The following CAST variants were observed in gnomAD, a reference collection of about 807,000 sequenced individuals.
The protein encoded by CAST is MIR583 host.
CAST carries 76 observed loss-of-function variants against 119.6 expected under a neutral mutation model. The observed-to-expected ratio is 0.64, with a 90% CI of 0.53 to 0.77. The LOEUF is 0.77. CAST is among the 30% of genes least tolerant of loss of function. CAST has a pLI of 0.00. For missense variants in CAST, 953 were observed against 946.5 expected, an observed-to-expected ratio of 1.01 and a Z score of -0.09; for synonymous variants, 319 against 331.6, an observed-to-expected ratio of 0.96 and a Z score of 0.41.
chr5:96,610,235 G>C (rs535462946), intron 1 of CAST, among the ~76,000 whole-genome samples: 1 of 152,306 alleles, frequency 6.6e-6, no homozygotes, highest in African/African-American at 2.4e-5. Flanking sequence ...GGCCTCCACA[G>C]ACTGCTGAAC....
the CAST span, among the ~76,000 whole-genome samples, chr5:96,159,933 G>C: frequency 0.73 from 109,830 of 150,466 alleles, 40,256 homozygotes; most frequent in South Asian, 0.83. Flanking sequence ...CAGTTCGAGA[G>C]CAGCCTAGCC....
chr5:96,275,757 G>A, the CAST span, among the ~76,000 whole-genome samples: 2 of 152,204 alleles, frequency 1.3e-5, no homozygotes, highest in East Asian at 3.8e-4. Context: ...ATCTAAAATA[G>A]TTTGGTCCAG....
chr5:96,190,083 C>G, the CAST span, among the ~76,000 whole-genome samples: 1 of 152,118 alleles, frequency 6.6e-6, no homozygotes, highest in East Asian at 1.9e-4. Context: ...GTTTCTTTCT[C>G]CAGCTTGCTC....
At chr5:96,115,244 C>T in the CAST span, among the ~76,000 whole-genome samples, 3,952 of 152,320 alleles carry the variant, frequency 0.026, 45 homozygotes, top group Middle Eastern at 0.095. Flanking sequence ...ACATTTCTCT[C>T]TGTGTCCCTT....
At chr5:96,502,751 T>G in the CAST span, among the ~76,000 whole-genome samples, 1 of 152,096 alleles carries the variant, frequency 6.6e-6, no homozygotes, top group South Asian at 2.1e-4. Flanking sequence ...ATCTACTACA[T>G]GTATTACTTA....
the CAST span, among the ~76,000 whole-genome samples, chr5:96,394,254 C>T: frequency 9.2e-3 from 1,395 of 152,302 alleles, 15 homozygotes; most frequent in African/African-American, 0.032. Flanking sequence ...GGGCTTTTCT[C>T]ACCATCTGAT....
chr5:96,662,907 G>C lies in CAST; in HGVS notation c.75+410G>C, dbSNP rs930338720. 2.8e-5 allele frequency: 16 copies of C among 580,734 alleles called. No individual in the cohort carries two copies. The African/African-American group carries it at 3.2e-4, about 11-fold the overall frequency. The allele number at this position is 580,734 out of a possible 1,614,324, so 36.0% of individuals were successfully genotyped here. On this transcript the variant is annotated intron_variant, in intron 1 of 31. Transcript: ENST00000675179. ...GGGCGTGGCTGCCTGGAGACGCAGAGCCTCTTCCCTAACCAGCCTCGAGCC... is the reference window on the plus strand; with the variant it reads ...GGGCGTGGCTGCCTGGAGACGCAGACCCTCTTCCCTAACCAGCCTCGAGCC...
chr5:96,215,947 A>G, the CAST span, among the ~76,000 whole-genome samples: 1 of 152,060 alleles, frequency 6.6e-6, no homozygotes, highest in Admixed American at 6.6e-5. Context: ...AGCTGGGACT[A>G]CAGGCACACG....
chr5:96,476,701 A>T, the CAST span, among the ~76,000 whole-genome samples: 4 of 152,142 alleles, frequency 2.6e-5, no homozygotes, highest in Non-Finnish European at 5.9e-5. Context: ...ATCCCTTAAG[A>T]CAGTCCTCAT....
chr5:96,513,886 G>C, the CAST span, among the ~76,000 whole-genome samples: 114 of 152,284 alleles, frequency 7.5e-4, no homozygotes, highest in Admixed American at 2.5e-3. Flanking sequence ...CTTTCTCTAG[G>C]ACTGTGGATA....
the CAST span, among the ~76,000 whole-genome samples, chr5:96,485,538 C>T: frequency 6.6e-6 from 1 of 151,898 alleles, no homozygotes; most frequent in Non-Finnish European, 1.5e-5. Flanking sequence ...GCAGTGGGTA[C>T]CAAAAGTGGA....
At chr5:96,493,258 C>T in the CAST span, among the ~76,000 whole-genome samples, 1 of 152,106 alleles carries the variant, frequency 6.6e-6, no homozygotes, top group African/African-American at 2.4e-5. Flanking sequence ...CGTTTCATAA[C>T]ATTTTTTATG....
At chr5:96,054,112 A>T in the CAST span, among the ~76,000 whole-genome samples, 2 of 151,840 alleles carry the variant, frequency 1.3e-5, no homozygotes, top group Non-Finnish European at 2.9e-5. Flanking sequence ...ATTCCAAAGC[A>T]CTTATTATTG....
chr5:96,200,574 G>T, the CAST span, among the ~76,000 whole-genome samples: 2 of 152,132 alleles, frequency 1.3e-5, no homozygotes, highest in African/African-American at 4.8e-5. Context: ...GAGCTCTAAG[G>T]TACTTTTTAG....
chr5:96,394,869 C>T, the CAST span: 1 of 1,614,110 alleles, frequency 6.2e-7, no homozygotes. Flanking sequence ...CAGACCTCCC[C>T]TGGATCCACC....
chr5:96,649,406 C>T (rs1332417374), intron 1 of CAST, among the ~76,000 whole-genome samples: 1 of 152,200 alleles, frequency 6.6e-6, no homozygotes, highest in Non-Finnish European at 1.5e-5. Context: ...TTGCTATTCA[C>T]ATAAGTCGAA....
intron 24 of CAST, among the ~76,000 whole-genome samples, chr5:96,760,349 T>G (rs1482544565): frequency 6.6e-6 from 1 of 151,966 alleles, no homozygotes; most frequent in African/African-American, 2.4e-5. Flanking sequence ...ATGTAAAAGA[T>G]CTATTTAAAA....
At chr5:96,670,731 C>T (rs1401535566) in intron 1 of CAST, among the ~76,000 whole-genome samples, 2 of 152,222 alleles carry the variant, frequency 1.3e-5, no homozygotes, top group Admixed American at 6.5e-5. Flanking sequence ...CTCCTGATCT[C>T]CTGATCTGCC....
chr5:96,536,141 T>C (rs1370188531), intron 1 of CAST, among the ~76,000 whole-genome samples: 1 of 149,134 alleles, frequency 6.7e-6, no homozygotes, highest in East Asian at 2.0e-4. Context: ...GTGAATCACC[T>C]GAGGTCAGGA....
Sources: gnomAD v4.1 joint callset for allele counts (sites outside exome capture counted in the v4.1 genomes callset) on GRCh38, gnomAD v4.1.1 for gene constraint, MANE v1.5 for transcripts, NCBI Gene and HGNC (gene_info 2026-07-23, HGNC 2026-07-21) for gene names.